D2HGDH: variants seen among roughly 807,000 people sequenced by gnomAD.
D2HGDH encodes the protein D-2-hydroxyglutarate dehydrogenase, mitochondrial.
In D2HGDH, 31 loss-of-function variants were observed where a neutral mutation model predicts 46.9. The ratio of observed to expected loss-of-function variants is 0.66; its 90% CI spans 0.50 to 0.89. The LOEUF is 0.89. Ranked by LOEUF, D2HGDH falls within the 40% of genes least tolerant of loss-of-function variation. The probability of loss-of-function intolerance (pLI) is 0.00; values close to 1 mark genes in which losing one functional copy is unlikely to be tolerated. For synonymous variants in D2HGDH, 364 were observed against 332.6 expected (o/e 1.09, Z -1.03); for missense variants, 698 against 720.8 (o/e 0.97, Z 0.36).
chr2:241,758,767 ATATGTGTGTG>A (rs1480981429), intron 9 of D2HGDH, among the ~76,000 whole-genome samples: 8 of 106,226 alleles, frequency 7.5e-5, no homozygotes, highest in Admixed American at 1.0e-4. Context: ...GCCCCACAAT[ATATGTGTGTG>A]TGTGTGTGTG....
chr2:241,745,339 C>G (rs985501758), intron 6 of D2HGDH, among the ~76,000 whole-genome samples: 27 of 152,224 alleles, frequency 1.8e-4, no homozygotes, highest in Non-Finnish European at 3.4e-4. Flanking sequence ...CTCCACAGGC[C>G]TGCTTCACTC....
At chr2:241,754,898 C>T (rs567526490) in intron 8 of D2HGDH, 30 of 829,992 alleles carry the variant, frequency 3.6e-5, no homozygotes, top group South Asian at 3.2e-4. Context: ...CCACTGCGCC[C>T]GGCCAAGTGT....
intron 5 of D2HGDH, 107 bp from the exon 6 acceptor site, chr2:241,744,602 C>A: frequency 7.3e-7 from 1 of 1,365,698 alleles, no homozygotes; most frequent in South Asian, 1.2e-5. Context: ...CCTTCAGCCT[C>A]TTGGCATGAC....
intron 3 of D2HGDH, 29 bp downstream of exon 3, chr2:241,741,119 C>T (rs759511637): frequency 2.7e-5 from 43 of 1,606,984 alleles, no homozygotes; most frequent in Non-Finnish European, 3.6e-5. Flanking sequence ...GCTCCCCCAG[C>T]CTTCCCTGTT....
At chr2:241,749,119 A>G (rs1696632553) in intron 6 of D2HGDH, 1 of 916,192 alleles carries the variant, frequency 1.1e-6, no homozygotes, top group African/African-American at 1.8e-5. Context: ...CCGACGAGGC[A>G]CTCTTGTCCC....
chr2:241,747,880 C>T (rs1057427911), intron 6 of D2HGDH, among the ~76,000 whole-genome samples: 1 of 151,812 alleles, frequency 6.6e-6, no homozygotes, highest in Non-Finnish European at 1.5e-5. Context: ...GCTTTTTTCT[C>T]ATTCTGTTCA....
rs1455397983 is a variant in D2HGDH, at chr2:241,743,426, A to G, written c.491-196A>G. ...ACTCATTTTTTTTTTGTGTCACCAT[A>G]ATTATAAAGGTCCTGTGAGGCCCAG... On this transcript the variant is annotated intron_variant, in intron 4 of 9. Coordinates refer to ENST00000321264, the MANE Select transcript of D2HGDH (RefSeq NM_152783.5). The surrounding 1 kb of genome is among the most constrained non-coding windows in gnomAD (Gnocchi z 4.8). Among the ~76,000 whole-genome samples the G allele has an allele frequency of 1.3e-5, 2 of 151,810 alleles. No homozygotes were observed. The highest frequency in any genetic ancestry group is 4.8e-5 in the African/African-American group (2 of 41,306).
Position 241,743,900 on chromosome 2 carries a change from C to T in D2HGDH, c.684+85C>T. The T allele has an allele frequency of 1.4e-6, 2 of 1,478,244 alleles. No homozygotes were observed. Among genetic ancestry groups the T allele is most frequent in the South Asian group, 1.2e-5 (1 of 81,440 alleles). The allele number at this position is 1,478,244 out of a possible 1,614,324, so 91.6% of individuals were successfully genotyped here. On this transcript the variant is annotated intron_variant, in intron 5 of 9. Coordinates refer to ENST00000321264, the MANE Select transcript of D2HGDH (RefSeq NM_152783.5). The surrounding 1 kb of genome is among the most constrained non-coding windows in gnomAD (Gnocchi z 4.8). ...ATGGGCCCACGTGGTGGCACAGGTG[C>T]ATGGGGCCCCTCGGGGTGGGAGGTC...
chr2:241,742,516 C>T lies in D2HGDH; in HGVS notation c.432C>T (p.Asp144=), dbSNP rs541023216. ...GMVGGSVPVF[D]EIILSTARMN... is the part of the protein sequence containing the mutation. ...TGGGTGGCAGCGTCCCCGTCTTTGA[C>T]GAGATCATCCTCTCCACTGCCCGCA... The change falls in exon 4 of 10, where the codon GAC becomes GAT. Residue 144 remains aspartate (D), a synonymous_variant. Transcript: ENST00000321264. This position sits in a 1 kb window ranked among gnomAD's most constrained non-coding sequence, Gnocchi z 4.8. 7.6e-5 allele frequency: 122 copies of T among 1,614,092 alleles called. 1 individual carries two copies. In the South Asian group the frequency reaches 1.1e-3, roughly 15 times the overall value.
At chr2:241,753,912 G>A (rs867559636) in intron 8 of D2HGDH, among the ~76,000 whole-genome samples, 1 of 152,268 alleles carries the variant, frequency 6.6e-6, no homozygotes, top group South Asian at 2.1e-4. Flanking sequence ...AGGAAGCGCC[G>A]GGGAGGAGGG....
intron 6 of D2HGDH, chr2:241,749,237 C>G: frequency 8.5e-7 from 1 of 1,169,960 alleles, no homozygotes; most frequent in Non-Finnish European, 1.1e-6. Flanking sequence ...GCGTCTGCAG[C>G]CACACCCCGA....
Position 241,742,672 on chromosome 2 carries a change from G to T in D2HGDH, c.490+98G>T. 1 of 1,499,710 alleles carries T rather than the reference G, an allele frequency of 6.7e-7. No individual in the cohort carries two copies. Among genetic ancestry groups the T allele is most frequent in the South Asian group, 1.1e-5 (1 of 88,260 alleles). 92.9% of individuals were successfully genotyped at this position (1,499,710 alleles called of 1,614,324 possible). A position where few individuals can be genotyped will look rare whatever the true frequency, so the allele number is the denominator to read the frequency against. On this transcript the variant is annotated intron_variant, in intron 4 of 9. Coordinates refer to ENST00000321264, the MANE Select transcript of D2HGDH (RefSeq NM_152783.5). The surrounding 1 kb of genome is among the most constrained non-coding windows in gnomAD (Gnocchi z 4.8). ...GCAACTGTGGGGTGCTTGGGTGGGT[G>T]AATGAGTTAGGGCCGGCGCTGGGGA...
At chr2:241,763,366 G>T (rs1225523511) in intron 9 of D2HGDH, among the ~76,000 whole-genome samples, 1 of 152,160 alleles carries the variant, frequency 6.6e-6, no homozygotes, top group Non-Finnish European at 1.5e-5. Flanking sequence ...CTGAGTATGT[G>T]CCTGAACACA....
chr2:241,755,865 G>A lies in D2HGDH; in HGVS notation c.1157G>A (p.Arg386Lys). 13 of 1,612,924 alleles carry A rather than the reference G, an allele frequency of 8.1e-6. No individual in the cohort carries two copies. Among genetic ancestry groups the A allele is most frequent in the Non-Finnish European group, 1.1e-5 (13 of 1,179,382 alleles). Residue 386 changes from arginine to lysine, a missense_variant, in exon 9 of 10, where the codon AGG (arginine) becomes AAG (lysine). Arg to Lys is a conservative substitution (Grantham distance 26). Transcript: ENST00000321264. Reference sequence around the variant, plus strand: ...ATCCTCTAGATGCTGTGGGCCCTGAGGGAAAGGATCACAGAGGCGCTGAGC... The same window carrying A: ...ATCCTCTAGATGCTGTGGGCCCTGAAGGAAAGGATCACAGAGGCGCTGAGC... The part of the protein sequence containing the change: ...QRKVKMLWAL[R>K]ERITEALSRD...
In D2HGDH at chr2:241,741,057, C is replaced by T. The variant is rs773321414; in HGVS notation, c.317C>T (p.Pro106Leu). The T allele has an allele frequency of 6.2e-7, 1 of 1,614,064 alleles. No individual in the cohort carries two copies. Among genetic ancestry groups the T allele is most frequent in the Non-Finnish European group, 8.5e-7 (1 of 1,180,012 alleles). Residue 106 changes from proline to leucine, a missense_variant, in exon 3 of 10, where the codon CCA becomes CTA. Pro to Leu is a moderately conservative substitution (Grantham distance 98). Transcript: ENST00000321264. The part of the protein sequence containing the change: ...LRGCSKVLLR[P>L]RTSEEVSHIL... ...GGCTGTAGCAAGGTGCTGCTGAGGC[C>T]ACGGACGTCGGAGGAGGTGTCCCAC...
chr2:241,759,286 G>T (rs143011068), intron 9 of D2HGDH, among the ~76,000 whole-genome samples: 28 of 152,312 alleles, frequency 1.8e-4, no homozygotes, highest in African/African-American at 6.7e-4. Context: ...GAAATCTGCT[G>T]ACAACAGACT....
rs1438133541 is a variant in D2HGDH, at chr2:241,758,803, G to GTA, written c.1306+2790_1306+2791insAT. ...TGTGTGTGTGTGTGTGTGTGTGTGTGTGTGTGTGTAGAGCCAGACTCATGT... is the reference window on the plus strand; with the variant it reads ...TGTGTGTGTGTGTGTGTGTGTGTGTGTATGTGTGTGTAGAGCCAGACTCATGT... On this transcript the variant is annotated intron_variant, in intron 9 of 9. Transcript: ENST00000321264. Among the ~76,000 whole-genome samples, 5 of 151,558 alleles carry GTA rather than the reference G, an allele frequency of 3.3e-5. No homozygotes were observed. In the East Asian group the frequency reaches 9.7e-4, roughly 29 times the overall value.
At position 241,768,261 on chromosome 2, in the gene D2HGDH, G is replaced by T. The variant is rs542079203; in HGVS notation, c.*292G>T. The T allele has an allele frequency of 2.1e-6, 1 of 474,484 alleles. No homozygotes were observed. Among genetic ancestry groups the T allele is most frequent in the Admixed American group, 3.6e-5 (1 of 27,824 alleles). 29.4% of individuals were successfully genotyped at this position (474,484 alleles called of 1,614,324 possible). ...CTTTGCCCACGTGGAAGCGGGGTGG[G>T]TCTCACTTGCGTGGTGGCCCCTGGC... On this transcript the variant is annotated 3_prime_UTR_variant, in exon 10 of 10. Transcript: ENST00000321264.
chr2:241,742,698 A>G lies in D2HGDH; in HGVS notation c.490+124A>G. 7.8e-7 allele frequency: 1 copy of G among 1,288,672 alleles called. No individual in the cohort carries two copies. The highest frequency in any genetic ancestry group is 1.1e-6 in the Non-Finnish European group (1 of 897,076). The allele number at this position is 1,288,672 out of a possible 1,614,324, so 79.8% of individuals were successfully genotyped here. ...AATGAGTTAGGGCCGGCGCTGGGGA[A>G]AGAACCAGCGTCTGTAGCCTGGCCG... On this transcript the variant is annotated intron_variant, in intron 4 of 9. Transcript: ENST00000321264. The surrounding 1 kb of genome is among the most constrained non-coding windows in gnomAD (Gnocchi z 4.8).
Sources: allele counts gnomAD v4.1 joint callset (sites outside exome capture counted in the v4.1 genomes callset), GRCh38; gene constraint gnomAD v4.1.1; non-coding constraint Gnocchi (gnomAD v3.1); transcripts MANE v1.5; gene names NCBI Gene and HGNC (gene_info 2026-07-23, HGNC 2026-07-21).